The following KDM2B variants were observed in gnomAD, a reference collection of about 807,000 sequenced individuals.
KDM2B encodes the protein lysine demethylase 2B, also known as lysine-specific demethylase 2B.
KDM2B carries 26 observed loss-of-function variants against 150.0 expected under a neutral mutation model. That is an observed-to-expected ratio of 0.17 (90% confidence interval 0.13 to 0.24). The LOEUF is 0.24. Ranked by LOEUF, KDM2B falls within the 10% of genes least tolerant of loss-of-function variation. KDM2B has a pLI of 1.00. For synonymous variants in KDM2B, 734 were observed against 729.5 expected (o/e 1.01, Z -0.10); for missense variants, 1,265 against 1,816.9 (o/e 0.70, Z 5.52).
chr12:121,515,968 T>C (rs1278659727), intron 9 of KDM2B, among the ~76,000 whole-genome samples: 3 of 152,156 alleles, frequency 2.0e-5, no homozygotes, highest in African/African-American at 7.2e-5. Flanking sequence ...TTTCTCATAG[T>C]TACTAGATCG....
At chr12:121,411,998 TTTTAAGAG>T in the KDM2B span, among the ~76,000 whole-genome samples, 1 of 152,220 alleles carries the variant, frequency 6.6e-6, no homozygotes, top group East Asian at 1.9e-4. Context: ...GTTTTTCCAG[TTTTAAGAG>T]TGCATACTCT....
intron 12 of KDM2B, among the ~76,000 whole-genome samples, chr12:121,475,606 C>CA (rs1455662439): frequency 1.9e-4 from 28 of 150,750 alleles, no homozygotes; most frequent in African/African-American, 5.6e-4. Flanking sequence ...AAAAACAAAA[C>CA]AAAAAAAACA....
At chr12:121,447,605 ATTC>A (rs1264662390) in intron 13 of KDM2B, among the ~76,000 whole-genome samples, 1 of 152,116 alleles carries the variant, frequency 6.6e-6, no homozygotes, top group Non-Finnish European at 1.5e-5. Context: ...AAACAACGCC[ATTC>A]TTCTTATTTT....
intron 6 of KDM2B, among the ~76,000 whole-genome samples, chr12:121,538,250 C>T (rs1555309089): frequency 6.6e-6 from 1 of 151,980 alleles, no homozygotes; most frequent in African/African-American, 2.4e-5. Context: ...GGGTGCAGGG[C>T]TGGCTCTCCC....
chr12:121,553,214 G>A (rs1392369781), intron 4 of KDM2B, among the ~76,000 whole-genome samples: 2 of 151,336 alleles, frequency 1.3e-5, no homozygotes, highest in African/African-American at 4.9e-5. Flanking sequence ...CTGGGCGACA[G>A]AGCAAGACTC....
chr12:121,431,879 C>CTTTTTTTTTTTTTTTTTTTTTTTTTTT, intron 22 of KDM2B, among the ~76,000 whole-genome samples: 1 of 122,398 alleles, frequency 8.2e-6, no homozygotes, highest in Non-Finnish European at 1.6e-5. Flanking sequence ...TTTCTTTTTT[C>CTTTTTTTTTTTTTTTTTTTTTTTTTTT]TTTTTTTTTT....
At chr12:121,436,440 G>C (rs1219079495) in intron 22 of KDM2B, among the ~76,000 whole-genome samples, 1 of 151,526 alleles carries the variant, frequency 6.6e-6, no homozygotes, top group Non-Finnish European at 1.5e-5. Flanking sequence ...AGAATGGCGT[G>C]AACCTGGGAG....
chr12:121,440,726 G>A (rs920494630), intron 21 of KDM2B, 90 bp downstream of exon 21: 2 of 1,258,634 alleles, frequency 1.6e-6, no homozygotes, highest in African/African-American at 3.0e-5. Context: ...ATGTCCTTTG[G>A]GGAACAGCTG....
intron 12 of KDM2B, among the ~76,000 whole-genome samples, chr12:121,475,182 C>CTGTGTGTGTGTGTGTG (rs60083867): frequency 4.3e-5 from 6 of 139,664 alleles, no homozygotes; most frequent in South Asian, 4.8e-4. Context: ...ACACATGACT[C>CTGTGTGTGTGTGTGTG]TGTGTGTGTG....
chr12:121,574,620 G>T, intron 3 of KDM2B, 27 bp from the exon 4 acceptor site: 1 of 1,611,780 alleles, frequency 6.2e-7, no homozygotes, highest in Non-Finnish European at 8.5e-7. Flanking sequence ...ACAGACCTTT[G>T]GTGAGAGGCC....
At chr12:121,532,295 C>T (rs1887723948) in intron 8 of KDM2B, among the ~76,000 whole-genome samples, 1 of 152,130 alleles carries the variant, frequency 6.6e-6, no homozygotes, top group African/African-American at 2.4e-5. Context: ...CAGGAACCAG[C>T]CAAAAGCCCT....
intron 12 of KDM2B, among the ~76,000 whole-genome samples, chr12:121,485,152 C>G (rs1050711311): frequency 6.6e-6 from 1 of 152,052 alleles, no homozygotes; most frequent in Non-Finnish European, 1.5e-5. Context: ...AACTATGAGG[C>G]GGTACGTTTC....
At chr12:121,445,202 A>G in intron 14 of KDM2B, 73 bp downstream of exon 14, 1 of 1,542,958 alleles carries the variant, frequency 6.5e-7, no homozygotes, top group South Asian at 1.2e-5. Flanking sequence ...GCATCCCACC[A>G]TCTCACCAGC....
intron 12 of KDM2B, among the ~76,000 whole-genome samples, chr12:121,473,720 C>CAAAAA (rs34681676): frequency 4.2e-4 from 51 of 122,420 alleles, no homozygotes; most frequent in African/African-American, 5.7e-4. Flanking sequence ...ACTCCCAACT[C>CAAAAA]AAAAAAAAAA....
chr12:121,417,638 G>T, the KDM2B span: 1 of 1,614,218 alleles, frequency 6.2e-7, no homozygotes, highest in Non-Finnish European at 8.5e-7. The surrounding 1 kb of genome is among the most constrained non-coding windows in gnomAD (Gnocchi z 5.0). Context: ...GACTGAAGGT[G>T]AAGGACCTGC....
chr12:121,539,426 C>T (rs1057211220), intron 6 of KDM2B, among the ~76,000 whole-genome samples: 1 of 149,568 alleles, frequency 6.7e-6, no homozygotes, highest in Non-Finnish European at 1.5e-5. Flanking sequence ...AGGCTATCCA[C>T]ATAAGAGAAT....
downstream of KDM2B, among the ~76,000 whole-genome samples, chr12:121,428,232 C>T (rs1016993377): frequency 1.3e-4 from 20 of 151,540 alleles, no homozygotes; most frequent in African/African-American, 4.9e-4. Flanking sequence ...GTCTCGCGGT[C>T]GCCAGGCTGG....
the KDM2B span, among the ~76,000 whole-genome samples, chr12:121,412,276 G>A: frequency 1.7e-5 from 2 of 115,506 alleles, no homozygotes. Context: ...GTCCCGCTCT[G>A]TTGCCCAGGC....
chr12:121,425,306 C>CAAAA (rs562993599), downstream of KDM2B, among the ~76,000 whole-genome samples: 3 of 79,146 alleles, frequency 3.8e-5, no homozygotes, highest in African/African-American at 6.7e-5. Context: ...AACTCCGTCT[C>CAAAA]AAAAAAAAAA....
Sources: gnomAD v4.1 joint callset for allele counts (sites outside exome capture counted in the v4.1 genomes callset) on GRCh38, gnomAD v4.1.1 for gene constraint, Gnocchi (gnomAD v3.1) non-coding constraint, MANE v1.5 for transcripts, NCBI Gene and HGNC (gene_info 2026-07-23, HGNC 2026-07-21) for gene names.